PDGFC: variants seen among roughly 807,000 people sequenced by gnomAD.
The protein encoded by PDGFC is platelet-derived growth factor C.
In PDGFC, 12 loss-of-function variants were observed where a neutral mutation model predicts 35.5. The observed-to-expected ratio is 0.34, with a 90% CI of 0.22 to 0.55. PDGFC has a LOEUF of 0.55. PDGFC is among the 20% of genes least tolerant of loss of function. The probability of loss-of-function intolerance (pLI) is 0.91; values close to 1 mark genes in which losing one functional copy is unlikely to be tolerated. For missense variants in PDGFC, 322 were observed against 412.4 expected, an observed-to-expected ratio of 0.78 and a Z score of 1.90; for synonymous variants, 159 against 148.8, an observed-to-expected ratio of 1.07 and a Z score of -0.50.
intron 1 of PDGFC, among the ~76,000 whole-genome samples, chr4:156,948,209 T>TA (rs1731993047): frequency 6.9e-6 from 1 of 145,068 alleles, no homozygotes; most frequent in Non-Finnish European, 1.5e-5. Flanking sequence ...AGAGGGGATG[T>TA]ACAGCTAAAA....
chr4:156,875,912 C>G (rs995100673), intron 1 of PDGFC, among the ~76,000 whole-genome samples: 1 of 152,034 alleles, frequency 6.6e-6, no homozygotes, highest in Non-Finnish European at 1.5e-5. Flanking sequence ...GCACAGAAAA[C>G]TGAAGAAATT....
intron 2 of PDGFC, among the ~76,000 whole-genome samples, chr4:156,845,395 T>TA: frequency 6.6e-6 from 1 of 151,788 alleles, no homozygotes; most frequent in Admixed American, 6.6e-5. Context: ...TATATATATA[T>TA]ACAGAGAGAG....
Position 156,809,837 on chromosome 4 carries a change from T to C in PDGFC, c.495+1000A>G, listed in dbSNP as rs576352590. On this transcript the variant is annotated intron_variant, in intron 3 of 5. Coordinates refer to ENST00000502773, the MANE Select transcript of PDGFC (RefSeq NM_016205.3). ...TATAGACAGAAGTTCATTTAAAATA[T>C]AAATAATATCCTTAATTTAAAGTTT... 2.6e-5 allele frequency among the ~76,000 whole-genome samples: 4 copies of C among 151,996 alleles called. No homozygotes were observed. In the South Asian group the frequency reaches 8.3e-4, roughly 31 times the overall value.
At chr4:156,873,908 C>G (rs1006769680) in intron 1 of PDGFC, 8 of 152,302 alleles carry the variant, frequency 5.3e-5, no homozygotes, top group African/African-American at 1.7e-4. Context: ...CGACTTACAT[C>G]CCAGTCCTCC....
chr4:156,870,803 A>G lies in PDGFC; in HGVS notation c.119-20387T>C, dbSNP rs147955436. On this transcript the variant is annotated intron_variant, in intron 1 of 5. Transcript: ENST00000502773. ...CTGATACATGTTCACACAGTTTTCC[A>G]AAGTTGAAATCAGTTATAGTGTAAT... Among the ~76,000 whole-genome samples, 983 of 152,266 alleles carry G rather than the reference A, an allele frequency of 6.5e-3. 8 individuals carry two copies. The highest frequency in any genetic ancestry group is 0.022 in the African/African-American group (896 of 41,562).
At chr4:156,806,086 A>G (rs1731760556) in intron 3 of PDGFC, among the ~76,000 whole-genome samples, 1 of 152,148 alleles carries the variant, frequency 6.6e-6, no homozygotes, top group South Asian at 2.1e-4. Context: ...ATTTAATAAC[A>G]AGAATAAACA....
At chr4:156,904,260 T>C (rs1275413589) in intron 1 of PDGFC, among the ~76,000 whole-genome samples, 1 of 151,974 alleles carries the variant, frequency 6.6e-6, no homozygotes, top group Non-Finnish European at 1.5e-5. Context: ...AAGTCATGGA[T>C]AAAAGCTGGA....
At chr4:156,854,510 CA>C (rs1729527698) in intron 1 of PDGFC, among the ~76,000 whole-genome samples, 3 of 152,042 alleles carry the variant, frequency 2.0e-5, no homozygotes, top group South Asian at 4.2e-4. Flanking sequence ...TTACTGCTCC[CA>C]AAAAATTCAC....
intron 1 of PDGFC, among the ~76,000 whole-genome samples, chr4:156,868,363 T>C (rs747224957): frequency 3.0e-4 from 45 of 152,126 alleles, no homozygotes; most frequent in Admixed American, 1.4e-3. Context: ...TCAAAGAAGA[T>C]TTTAGTGCTG....
Position 156,971,078 on chromosome 4 carries a change from G to A in PDGFC, c.-175C>T, listed in dbSNP as rs997839277. The A allele has an allele frequency of 3.4e-6, 2 of 581,246 alleles. No individual in the cohort carries two copies. Among genetic ancestry groups the A allele is most frequent in the African/African-American group, 1.9e-5 (1 of 53,612 alleles). 36.0% of individuals were successfully genotyped at this position (581,246 alleles called of 1,614,324 possible). On this transcript the variant is annotated 5_prime_UTR_variant, in exon 1 of 6. Transcript: ENST00000502773. ...TAATCCCATCCAAAACTTTTTCCTA[G>A]AGCCCTCTTCTGTGTCTCCAGTTTT...
In PDGFC at chr4:156,971,428, A is replaced by C; in HGVS notation, c.-525T>G. ...CCCCCGCCCCACCCCCCACCCCCGA[A>C]GGGGGAGGGGGAAGAAACAAGGCGA... On this transcript the variant is annotated 5_prime_UTR_variant, in exon 1 of 6. Coordinates refer to ENST00000502773, the MANE Select transcript of PDGFC (RefSeq NM_016205.3). 8.4e-6 allele frequency: 2 copies of C among 236,798 alleles called. No homozygotes were observed. Among genetic ancestry groups the C allele is most frequent in the Non-Finnish European group, 1.6e-5 (2 of 124,474 alleles). 14.7% of individuals were successfully genotyped at this position (236,798 alleles called of 1,614,324 possible). A position where few individuals can be genotyped will look rare whatever the true frequency, so the allele number is the denominator to read the frequency against.
intron 1 of PDGFC, among the ~76,000 whole-genome samples, chr4:156,921,139 G>A (rs1046434648): frequency 6.6e-6 from 1 of 152,168 alleles, no homozygotes; most frequent in African/African-American, 2.4e-5. Flanking sequence ...TTCCCATGCT[G>A]TGCTAAGCCT....
intron 1 of PDGFC, 127 bp from the exon 2 acceptor site, chr4:156,850,543 A>T: frequency 2.1e-6 from 1 of 477,200 alleles, no homozygotes; most frequent in Non-Finnish European, 3.7e-6. Flanking sequence ...ATATATGCCA[A>T]ATACCACTCT....
intron 1 of PDGFC, among the ~76,000 whole-genome samples, chr4:156,928,652 C>T (rs1457477329): frequency 6.6e-6 from 1 of 152,184 alleles, no homozygotes; most frequent in African/African-American, 2.4e-5. Flanking sequence ...TACTTGTCTC[C>T]AGAAATCCCT....
intron 3 of PDGFC, among the ~76,000 whole-genome samples, chr4:156,789,697 C>T (rs188226150): frequency 2.9e-4 from 44 of 152,232 alleles, no homozygotes; most frequent in Admixed American, 1.5e-3. Flanking sequence ...AGAATACTGG[C>T]CGGGTGCAGT....
intron 3 of PDGFC, among the ~76,000 whole-genome samples, chr4:156,807,390 A>G (rs898825497): frequency 6.6e-6 from 1 of 151,982 alleles, no homozygotes; most frequent in African/African-American, 2.4e-5. Context: ...GGTACCTGTG[A>G]ATCAAGAAAA....
At chr4:156,928,210 G>A (rs901429219) in intron 1 of PDGFC, among the ~76,000 whole-genome samples, 1 of 152,094 alleles carries the variant, frequency 6.6e-6, no homozygotes, top group African/African-American at 2.4e-5. Flanking sequence ...GGGACACAGA[G>A]CTAAACCATG....
intron 1 of PDGFC, among the ~76,000 whole-genome samples, chr4:156,922,325 A>G (rs753404266): frequency 9.2e-5 from 14 of 152,210 alleles, no homozygotes; most frequent in Non-Finnish European, 1.6e-4. Flanking sequence ...CCACCCAAAC[A>G]TGGAAACATT....
intron 3 of PDGFC, among the ~76,000 whole-genome samples, chr4:156,799,896 A>AC (rs1177867716): frequency 6.6e-6 from 1 of 152,208 alleles, no homozygotes; most frequent in African/African-American, 2.4e-5. Flanking sequence ...ACTACTAAAA[A>AC]AAATTGGTAA....
Sources: gnomAD v4.1 joint callset for allele counts (sites outside exome capture counted in the v4.1 genomes callset) on GRCh38, gnomAD v4.1.1 for gene constraint, MANE v1.5 for transcripts, NCBI Gene and HGNC (gene_info 2026-07-23, HGNC 2026-07-21) for gene names.